Variants in CSMD2 observed in about 807,000 individuals in gnomAD.
CSMD2 encodes the protein CUB and Sushi multiple domains 2.
A neutral mutation model predicts 398.5 loss-of-function variants in CSMD2; 130 were observed. The observed-to-expected ratio is 0.33, with a 90% CI of 0.28 to 0.38. The LOEUF (loss-of-function observed/expected upper bound fraction) is 0.38, where lower values mean the gene tolerates loss of function less well. CSMD2 is among the 10% of genes least tolerant of loss of function. The probability of loss-of-function intolerance (pLI) is 1.00; values close to 1 mark genes in which losing one functional copy is unlikely to be tolerated. For synonymous variants in CSMD2, 1,828 were observed against 1,908.5 expected (o/e 0.96, Z 1.10); for missense variants, 3,829 against 4,764.9 (o/e 0.80, Z 5.78).
chr1:33,680,323 C>A (rs1644864554), intron 25 of CSMD2, among the ~76,000 whole-genome samples: 1 of 152,204 alleles, frequency 6.6e-6, no homozygotes. Flanking sequence ...CTTTGCCTTG[C>A]AATATGAATG....
chr1:34,163,393 A>G lies in CSMD2; in HGVS notation c.187+1518T>C, dbSNP rs534336609. 2.4e-4 allele frequency among the ~76,000 whole-genome samples: 37 copies of G among 152,298 alleles called. No homozygotes were observed. Among genetic ancestry groups the G allele is most frequent in the Non-Finnish European group, 1.8e-4 (12 of 68,028 alleles). On this transcript the variant is annotated intron_variant, in intron 1 of 70. Transcript: ENST00000373381. This position sits in a 1 kb window ranked among gnomAD's most constrained non-coding sequence, Gnocchi z 5.4. ...GCTATGACTCTTAGCAGAACCTAAG[A>G]AAGTCCCGTCAGCTAGGAATGAGAG...
intron 24 of CSMD2, 32 bp from the exon 25 acceptor site, chr1:33,693,088 G>A: frequency 6.4e-7 from 1 of 1,568,654 alleles, no homozygotes; most frequent in Non-Finnish European, 8.6e-7. Flanking sequence ...TGAGCTTCAT[G>A]GGGTGGCCTG....
At chr1:34,015,921 C>T (rs1195754555) in intron 3 of CSMD2, among the ~76,000 whole-genome samples, 2 of 152,032 alleles carry the variant, frequency 1.3e-5, no homozygotes, top group Non-Finnish European at 2.9e-5. Context: ...GGACATGGGG[C>T]TCAAGAAAGT....
chr1:33,805,726 G>C (rs778813507), intron 10 of CSMD2, among the ~76,000 whole-genome samples: 3 of 152,060 alleles, frequency 2.0e-5, no homozygotes, highest in Non-Finnish European at 4.4e-5. Context: ...CACTCTCTTC[G>C]TGTGTGCACA....
rs868704853 is a variant in CSMD2, at chr1:33,699,322, G to T, written c.3734-378C>A. Among the ~76,000 whole-genome samples, 5 of 152,178 alleles carry T rather than the reference G, an allele frequency of 3.3e-5. No homozygotes were observed. In the South Asian group the frequency reaches 6.2e-4, roughly 19 times the overall value. On this transcript the variant is annotated intron_variant, in intron 23 of 70. Coordinates refer to ENST00000373381, the MANE Select transcript of CSMD2 (RefSeq NM_001281956.2). ...CACTTTAAATGTATGTTTAAAAGCT[G>T]AGTTATGACCTGCTTAAACATACGC...
At chr1:33,998,233 C>T (rs1461679449) in intron 3 of CSMD2, among the ~76,000 whole-genome samples, 1 of 152,116 alleles carries the variant, frequency 6.6e-6, no homozygotes, top group African/African-American at 2.4e-5. Flanking sequence ...GTCTCTTGCT[C>T]TGTGCTGGAT....
intron 25 of CSMD2, among the ~76,000 whole-genome samples, chr1:33,664,064 TTATCAC>T (rs1354192289): frequency 6.6e-6 from 1 of 152,224 alleles, no homozygotes; most frequent in African/African-American, 2.4e-5. Context: ...TCCAATCCAT[TTATCAC>T]TATCTCTTTT....
intron 3 of CSMD2, among the ~76,000 whole-genome samples, chr1:33,964,695 T>C (rs1645495831): frequency 6.6e-6 from 1 of 152,150 alleles, no homozygotes; most frequent in Admixed American, 6.5e-5. Flanking sequence ...TCCCATCATA[T>C]GAAAGCCCCT....
chr1:33,776,277 G>C (rs939128942), intron 12 of CSMD2, among the ~76,000 whole-genome samples: 1 of 152,206 alleles, frequency 6.6e-6, no homozygotes, highest in Non-Finnish European at 1.5e-5. Flanking sequence ...ATGGGACTGA[G>C]AGCACACTAG....
rs780467809 is a variant in CSMD2 at position 33,657,967 on chromosome 1, G to C, written c.4426C>G (p.Pro1476Ala). 3.1e-6 allele frequency: 5 copies of C among 1,613,666 alleles called. No individual in the cohort carries two copies. The highest frequency in any genetic ancestry group is 4.2e-6 in the Non-Finnish European group (5 of 1,179,798). ...VKIENRFFWQ[P>A]SPPTCIAPCG... is the part of the protein sequence containing the mutation. Reference sequence around the variant, plus strand: ...GTACCGATGCATGTTGGCGGGCTGGGCTGCCAGAAGAACCTGTTCTCGATC... The same window carrying C: ...GTACCGATGCATGTTGGCGGGCTGGCCTGCCAGAAGAACCTGTTCTCGATC... The change falls in exon 27 of 71, where the codon CCC becomes GCC. Residue 1476 changes from proline to alanine, a missense_variant. Physicochemically the swap from Pro to Ala is conservative, Grantham distance 27. Around this residue, in one of 5 missense-constraint regions of CSMD2, gnomAD observed 2,001 missense variants for 2,567.1 expected, o/e 0.78. Transcript: ENST00000373381.
intron 25 of CSMD2, among the ~76,000 whole-genome samples, chr1:33,677,825 G>A (rs1288073626): frequency 6.6e-6 from 1 of 151,708 alleles, no homozygotes; most frequent in Non-Finnish European, 1.5e-5. Flanking sequence ...GGATGAAGCT[G>A]GGAACCATCA....
At chr1:33,910,617 T>C (rs1643399236) in intron 5 of CSMD2, among the ~76,000 whole-genome samples, 2 of 152,186 alleles carry the variant, frequency 1.3e-5, no homozygotes, top group African/African-American at 4.8e-5. Context: ...GGCACATGAC[T>C]CAGGCTGGTC....
chr1:33,643,347 C>A (rs1643220747), intron 29 of CSMD2, among the ~76,000 whole-genome samples: 2 of 152,370 alleles, frequency 1.3e-5, no homozygotes, highest in Non-Finnish European at 2.9e-5. Context: ...ACATTATGCT[C>A]ACACTTTACA....
At chr1:33,593,764 T>C (rs1639643626) in intron 44 of CSMD2, among the ~76,000 whole-genome samples, 1 of 152,270 alleles carries the variant, frequency 6.6e-6, no homozygotes, top group African/African-American at 2.4e-5. Flanking sequence ...GATTTTATTC[T>C]ACTGCTGTAT....
At chr1:33,863,271 A>T (rs540313493) in intron 5 of CSMD2, 2 of 152,192 alleles carry the variant, frequency 1.3e-5, no homozygotes, top group Non-Finnish European at 2.9e-5. Flanking sequence ...AGACTAGTGG[A>T]ATATCTGCAA....
chr1:34,091,605 T>A (rs1188934636), intron 1 of CSMD2, among the ~76,000 whole-genome samples: 1 of 152,164 alleles, frequency 6.6e-6, no homozygotes, highest in Non-Finnish European at 1.5e-5. Flanking sequence ...TCTAAAGGAC[T>A]TTAATATTAA....
chr1:33,969,831 A>G (rs1243773296), intron 3 of CSMD2, among the ~76,000 whole-genome samples: 1 of 152,090 alleles, frequency 6.6e-6, no homozygotes, highest in Admixed American at 6.5e-5. Context: ...GCAGAAATTC[A>G]GCCGGGCGTG....
rs1654112649 is a variant in CSMD2, at chr1:33,519,954, T to C, written c.10598-4A>G. The C allele has an allele frequency of 1.2e-6, 2 of 1,613,748 alleles. No homozygotes were observed. The highest frequency in any genetic ancestry group is 1.3e-5 in the African/African-American group (1 of 74,852). ...TCTGACTCCAGCAGCCTGAGGTCTG[T>C]AAAGTCCCAAAGCAGAAAAGTCAAG... On this transcript the variant is annotated splice_region_variant and splice_polypyrimidine_tract_variant and intron_variant, in intron 68 of 70. Transcript: ENST00000373381. The surrounding 1 kb of genome is among the most constrained non-coding windows in gnomAD (Gnocchi z 5.6).
At chr1:33,652,543 A>G in intron 27 of CSMD2, 82 bp from the exon 28 acceptor site, 1 of 1,523,276 alleles carries the variant, frequency 6.6e-7, no homozygotes, top group Non-Finnish European at 9.0e-7. Context: ...CACTATTGAG[A>G]GAGGAGAGGC....
Sources: gnomAD v4.1 joint callset for allele counts (sites outside exome capture counted in the v4.1 genomes callset) on GRCh38, gnomAD v4.1.1 for gene constraint, gnomAD v4.1.1 regional missense constraint, Gnocchi (gnomAD v3.1) non-coding constraint, MANE v1.5 for transcripts, NCBI Gene and HGNC (gene_info 2026-07-23, HGNC 2026-07-21) for gene names.